GLDC: variants seen among roughly 807,000 people sequenced by gnomAD.
The protein encoded by GLDC is glycine decarboxylase.
Under a neutral mutation model 121.3 loss-of-function variants are expected in GLDC, and 104 were observed. That is an observed-to-expected ratio of 0.86 (90% CI 0.73 to 1.01). The LOEUF (loss-of-function observed/expected upper bound fraction) is 1.01. Ranked by LOEUF, GLDC falls within the 50% of genes least tolerant of loss-of-function variation. GLDC has a pLI of 0.00. For synonymous variants in GLDC, 546 were observed against 480.6 expected, an observed-to-expected ratio of 1.14 and a Z score of -1.78; for missense variants, 1,429 against 1,306.6, an observed-to-expected ratio of 1.09 and a Z score of -1.44.
At chr9:6,560,408 G>A (rs932622743) in intron 16 of GLDC, among the ~76,000 whole-genome samples, 1 of 152,250 alleles carries the variant, frequency 6.6e-6, no homozygotes, top group Admixed American at 6.5e-5. Flanking sequence ...CAGAAGGTTT[G>A]TGTCCCTTTA....
intron 2 of GLDC, among the ~76,000 whole-genome samples, chr9:6,636,149 C>A (rs1381472576): frequency 1.3e-5 from 2 of 151,904 alleles, no homozygotes; most frequent in African/African-American, 4.8e-5. Flanking sequence ...ACTAAAGATA[C>A]AAAAATTAGC....
chr9:6,614,809 A>G (rs926818981), intron 3 of GLDC, among the ~76,000 whole-genome samples: 1 of 152,228 alleles, frequency 6.6e-6, no homozygotes, highest in Non-Finnish European at 1.5e-5. Flanking sequence ...ACGTGTACTT[A>G]GAAGGTATAG....
chr9:6,560,446 T>C (rs368354181), intron 16 of GLDC, among the ~76,000 whole-genome samples: 7 of 152,368 alleles, frequency 4.6e-5, no homozygotes, highest in African/African-American at 9.6e-5. Flanking sequence ...ATACTGGTTA[T>C]GTCACGTTGT....
chr9:6,561,717 A>C (rs1026278426), intron 16 of GLDC, among the ~76,000 whole-genome samples: 3 of 152,194 alleles, frequency 2.0e-5, no homozygotes, highest in African/African-American at 7.2e-5. Flanking sequence ...GTTTTGGTTT[A>C]TCCAAAGCAA....
In GLDC at chr9:6,588,660, C is replaced by A. The variant is rs1818317016; in HGVS notation, c.1623G>T (p.Leu541=). The change falls in exon 13 of 25, where the codon CTG becomes CTT. Residue 541 remains leucine, a synonymous_variant. Coordinates refer to ENST00000321612, the MANE Select transcript of GLDC (RefSeq NM_000170.3). ...ETNIVRYMKK[L]ENKDISLVHS... is the part of the protein sequence containing the mutation. Reference sequence around the variant, plus strand: ...GAACAAGGGAAATGTCTTTATTTTCCAGTTTCTTCATGTACCGGACAATGT... The same window carrying A: ...GAACAAGGGAAATGTCTTTATTTTCAAGTTTCTTCATGTACCGGACAATGT... 1 of 1,613,202 alleles carries A rather than the reference C, an allele frequency of 6.2e-7. No individual in the cohort carries two copies. The highest frequency in any genetic ancestry group is 1.1e-5 in the South Asian group (1 of 91,068).
chr9:6,587,080 T>A, intron 15 of GLDC, 61 bp downstream of exon 15: 1 of 1,385,914 alleles, frequency 7.2e-7, no homozygotes, highest in Non-Finnish European at 1.0e-6. Flanking sequence ...GCCTTTAAGT[T>A]TTGTGGTGTA....
intron 4 of GLDC, among the ~76,000 whole-genome samples, chr9:6,607,214 T>C (rs1485338961): frequency 6.6e-6 from 1 of 152,150 alleles, no homozygotes; most frequent in African/African-American, 2.4e-5. Flanking sequence ...AATAACAATT[T>C]TTAAAAAATG....
intron 15 of GLDC, among the ~76,000 whole-genome samples, chr9:6,573,715 C>A (rs1340546792): frequency 6.6e-6 from 1 of 152,132 alleles, no homozygotes; most frequent in Non-Finnish European, 1.5e-5. Flanking sequence ...GCAAGTGAAA[C>A]ATCAGCTAAG....
chr9:6,613,384 TGGGAGGC>T (rs1818900703), intron 3 of GLDC, among the ~76,000 whole-genome samples: 2 of 152,234 alleles, frequency 1.3e-5, no homozygotes, highest in South Asian at 2.1e-4. Flanking sequence ...ACCAACACTT[TGGGAGGC>T]CAAGGTGGGA....
chr9:6,556,847 G>A (rs893950216), intron 17 of GLDC, among the ~76,000 whole-genome samples: 3 of 152,114 alleles, frequency 2.0e-5, no homozygotes, highest in Non-Finnish European at 4.4e-5. Flanking sequence ...TTCAGGCTAG[G>A]TCTCTATGGT....
chr9:6,532,879 C>T lies in GLDC; in HGVS notation c.*138G>A. 1 of 757,522 alleles carries T rather than the reference C, an allele frequency of 1.3e-6. No individual in the cohort carries two copies. The highest frequency in any genetic ancestry group is 2.5e-5 in the East Asian group (1 of 40,614). The allele number at this position is 757,522 out of a possible 1,614,324, so 46.9% of individuals were successfully genotyped here. ...CCTCCAGCTACTGTATTTACATTTACCTTGACAGAGATTACAGAGATATAC... is the reference window on the plus strand; with the variant it reads ...CCTCCAGCTACTGTATTTACATTTATCTTGACAGAGATTACAGAGATATAC... On this transcript the variant is annotated 3_prime_UTR_variant, in exon 25 of 25. Coordinates refer to ENST00000321612, the MANE Select transcript of GLDC (RefSeq NM_000170.3).
intron 17 of GLDC, 136 bp from the exon 18 acceptor site, chr9:6,556,438 C>CACAAGT: frequency 1.4e-6 from 1 of 692,184 alleles, no homozygotes. Context: ...TCTCAAAGTA[C>CACAAGT]AATGACAGCA....
At chr9:6,554,891 C>G (rs1001872049) in intron 18 of GLDC, 110 bp from the exon 19 acceptor site, 6 of 779,428 alleles carry the variant, frequency 7.7e-6, no homozygotes, top group African/African-American at 1.7e-5. Context: ...GAAAAGCAGG[C>G]AGAGCCACAT....
intron 2 of GLDC, among the ~76,000 whole-genome samples, chr9:6,629,937 ATATATATG>A (rs1222261484): frequency 1.2e-5 from 1 of 82,010 alleles, no homozygotes; most frequent in African/African-American, 1.0e-4. Flanking sequence ...CACTATATAT[ATATATATG>A]TATATATATA....
rs201770912 is a variant in GLDC, at chr9:6,620,148, A to C, written c.470+36T>G. 359 of 1,602,620 alleles carry C rather than the reference A, an allele frequency of 2.2e-4. 1 individual carries two copies. The highest frequency in any genetic ancestry group is 3.0e-4 in the Non-Finnish European group (347 of 1,171,392). On this transcript the variant is annotated intron_variant, in intron 3 of 24. Transcript: ENST00000321612. ...GAGGATGGAGAGAATTATGCAAATC[A>C]CAGTCATCCTGTTCCTGAACTGAGA...
chr9:6,558,491 C>T (rs1817680945), intron 17 of GLDC, 68 bp downstream of exon 17: 13 of 1,553,528 alleles, frequency 8.4e-6, no homozygotes, highest in Middle Eastern at 1.9e-4. Flanking sequence ...CATAATCCAT[C>T]AAGTCCCTGA....
chr9:6,617,368 G>C (rs921139091), intron 3 of GLDC, among the ~76,000 whole-genome samples: 2 of 152,168 alleles, frequency 1.3e-5, no homozygotes, highest in East Asian at 3.8e-4. Flanking sequence ...CAGCCAGAAA[G>C]CAATATGGTG....
chr9:6,614,141 A>G (rs138178174), intron 3 of GLDC, among the ~76,000 whole-genome samples: 87 of 152,272 alleles, frequency 5.7e-4, no homozygotes, highest in Non-Finnish European at 1.0e-3. Flanking sequence ...CTCCAGAAAG[A>G]GCATATCTGT....
chr9:6,592,048 C>T, intron 11 of GLDC, 95 bp downstream of exon 11: 3 of 795,106 alleles, frequency 3.8e-6, no homozygotes, highest in Non-Finnish European at 6.8e-6. Context: ...CAGTGTCACA[C>T]TTGGGCCCCT....
Sources: gnomAD v4.1 joint callset for allele counts (sites outside exome capture counted in the v4.1 genomes callset) on GRCh38, gnomAD v4.1.1 for gene constraint, MANE v1.5 for transcripts, NCBI Gene and HGNC (gene_info 2026-07-23, HGNC 2026-07-21) for gene names.